TPRN: variants seen among roughly 807,000 people sequenced by gnomAD.
TPRN encodes taperin, also known as chromosome 9 open reading frame 75.
In TPRN, 32 loss-of-function variants were observed where a neutral mutation model predicts 42.6. The ratio of observed to expected loss-of-function variants is 0.75; its 90% CI spans 0.57 to 1.01. The LOEUF (loss-of-function observed/expected upper bound fraction) is 1.01. Among genes scored for constraint, TPRN ranks in the 50% least tolerant of loss-of-function variants. TPRN has a pLI of 0.00. For synonymous variants in TPRN, 541 were observed against 445.6 expected, an observed-to-expected ratio of 1.21 and a Z score of -2.70; for missense variants, 1,095 against 957.5, an observed-to-expected ratio of 1.14 and a Z score of -1.90.
In TPRN at chr9:137,191,628, G is replaced by A; in HGVS notation, c.*484C>T. ...GTGGGGACACCAGCAGCCTTGTCCA[G>A]TGCTGTTTATTGAGTCCATCATCAG... On this transcript the variant is annotated 3_prime_UTR_variant, in exon 4 of 4. Transcript: ENST00000409012. 1 of 296,010 alleles carries A rather than the reference G, an allele frequency of 3.4e-6. No individual in the cohort carries two copies. Among genetic ancestry groups the A allele is most frequent in the Non-Finnish European group, 6.7e-6 (1 of 148,300 alleles). 18.3% of individuals were successfully genotyped at this position (296,010 alleles called of 1,614,324 possible).
chr9:137,198,890 G>A (rs1180707148), intron 1 of TPRN, 97 bp downstream of exon 1: 2 of 1,594,816 alleles, frequency 1.3e-6, no homozygotes, highest in Non-Finnish European at 1.7e-6. Context: ...CCTTTGCCCA[G>A]GCCAAGCGTC....
In TPRN at chr9:137,200,733, G is replaced by C. The variant is rs1288024851; in HGVS notation, c.-22C>G. ...CCATGCTGCGAACGCGGCAGCGGAC[G>C]GCTGGACTGAGGGCCGGAGTGGCAG... On this transcript the variant is annotated 5_prime_UTR_variant, in exon 1 of 4. Coordinates refer to ENST00000409012, the MANE Select transcript of TPRN (RefSeq NM_001128228.3). The surrounding 1 kb of genome is among the most constrained non-coding windows in gnomAD (Gnocchi z 4.3). 3.6e-6 allele frequency: 4 copies of C among 1,110,076 alleles called. No homozygotes were observed. Among genetic ancestry groups the C allele is most frequent in the South Asian group, 3.9e-5 (1 of 25,674 alleles). 68.8% of individuals were successfully genotyped at this position (1,110,076 alleles called of 1,614,324 possible). A position where few individuals can be genotyped will look rare whatever the true frequency, so the allele number is the denominator to read the frequency against.
chr9:137,198,200 G>A (rs1463684449), intron 1 of TPRN, among the ~76,000 whole-genome samples: 1 of 152,224 alleles, frequency 6.6e-6, no homozygotes, highest in Non-Finnish European at 1.5e-5. Context: ...GGTCACCGCA[G>A]ACCGGGAAGT....
In TPRN at chr9:137,199,129, T is replaced by C; in HGVS notation, c.1583A>G (p.Glu528Gly). ...SQANREPRPR[E>G]AEEEEASCLL... Reference sequence around the variant, plus strand: ...GCAACTAGCCTCCTCCTCCTCGGCCTCCCGTGGCCGAGGCTCCCTGTTGGC... The same window carrying C: ...GCAACTAGCCTCCTCCTCCTCGGCCCCCCGTGGCCGAGGCTCCCTGTTGGC... Residue 528 changes from glutamate to glycine, a missense_variant, in exon 1 of 4, where the codon GAG becomes GGG. By Grantham distance (98) the Glu-to-Gly change is moderately conservative. Coordinates refer to ENST00000409012, the MANE Select transcript of TPRN (RefSeq NM_001128228.3). 5 of 1,613,210 alleles carry C rather than the reference T, an allele frequency of 3.1e-6. No individual in the cohort carries two copies. Among genetic ancestry groups the C allele is most frequent in the Non-Finnish European group, 4.2e-6 (5 of 1,179,996 alleles).
Position 137,199,883 on chromosome 9 carries a change from C to T in TPRN, c.829G>A (p.Ala277Thr). The T allele has an allele frequency of 1.4e-6, 2 of 1,409,250 alleles. No homozygotes were observed. The highest frequency in any genetic ancestry group is 1.9e-6 in the Non-Finnish European group (2 of 1,059,202). The allele number at this position is 1,409,250 out of a possible 1,614,324, so 87.3% of individuals were successfully genotyped here. A position where few individuals can be genotyped will look rare whatever the true frequency, so the allele number is the denominator to read the frequency against. Reference sequence around the variant, plus strand: ...TGGCGCTGGCTAGGAGTGGCACTGGCAGGGGGTGAGGCTGGAGTGGCACTC... The same window carrying T: ...TGGCGCTGGCTAGGAGTGGCACTGGTAGGGGGTGAGGCTGGAGTGGCACTC... ...TPSATPASPP[A>T]SATPSQRQCV... The change falls in exon 1 of 4, where the codon GCC becomes ACC. Residue 277 changes from alanine to threonine, a missense_variant. Transcript: ENST00000409012.
Position 137,199,268 on chromosome 9 carries a change from G to C in TPRN, c.1444C>G (p.Leu482Val), listed in dbSNP as rs1046081185. 5 of 1,612,206 alleles carry C rather than the reference G, an allele frequency of 3.1e-6. No individual in the cohort carries two copies. Among genetic ancestry groups the C allele is most frequent in the Non-Finnish European group, 3.4e-6 (4 of 1,179,766 alleles). ...ACGCACCCGGGCCTGGCAGGGTGCA[G>C]AGGCCTGGCAGGGTGCGGGAGGTAG... ...LPYLPHPARP[L>V]HPARPGCVAE... is the part of the protein sequence containing the mutation. Residue 482 changes from leucine to valine, a missense_variant, in exon 1 of 4, where the codon CTG becomes GTG. Coordinates refer to ENST00000409012, the MANE Select transcript of TPRN (RefSeq NM_001128228.3).
At chr9:137,195,503 G>C (rs1834692177) in intron 1 of TPRN, among the ~76,000 whole-genome samples, 1 of 152,266 alleles carries the variant, frequency 6.6e-6, no homozygotes, top group African/African-American at 2.4e-5. Flanking sequence ...TAGAGGCAGG[G>C]AGGAGCCCAG....
rs1334528075 is a variant in TPRN, at chr9:137,199,217, T to C, written c.1495A>G (p.Asn499Asp). The C allele has an allele frequency of 6.2e-7, 1 of 1,613,110 alleles. No homozygotes were observed. The highest frequency in any genetic ancestry group is 8.5e-7 in the Non-Finnish European group (1 of 1,179,998). Residue 499 changes from asparagine (N) to aspartate (D), a missense_variant, in exon 1 of 4, where the codon AAC becomes GAC. By Grantham distance (23) the Asn-to-Asp change is conservative. Transcript: ENST00000409012. The stretch of plus-strand genomic sequence containing the variant: ...CTCTTGGGCACCACTGTGAAGGTGT[T>C]GCTGCCCCGGGGCTGAAGCTCTGCC... ...CVAELQPRGS[N>D]TFTVVPKRKP...
chr9:137,198,913 C>A, intron 1 of TPRN, 74 bp downstream of exon 1: 1 of 1,605,844 alleles, frequency 6.2e-7, no homozygotes, highest in South Asian at 1.1e-5. Context: ...GGGATCAGGG[C>A]AGGTGCTGCC....
chr9:137,200,683 C>A lies in TPRN; in HGVS notation c.29G>T (p.Gly10Val). 2 of 1,218,806 alleles carry A rather than the reference C, an allele frequency of 1.6e-6. No homozygotes were observed. The highest frequency in any genetic ancestry group is 2.1e-6 in the Non-Finnish European group (2 of 969,066). 75.5% of individuals were successfully genotyped at this position (1,218,806 alleles called of 1,614,324 possible). A position where few individuals can be genotyped will look rare whatever the true frequency, so the allele number is the denominator to read the frequency against. Reference sequence around the variant, plus strand: ...CCAAGCGGGCACCGCAGCGCGCGGCCCCGAGCCCGGCCGCCCCAGGGCGGC... The same window carrying A: ...CCAAGCGGGCACCGCAGCGCGCGGCACCGAGCCCGGCCGCCCCAGGGCGGC... MAALGRPGS[G>V]PRAAVPAWKR... The change falls in exon 1 of 4, where the codon GGG becomes GTG. Residue 10 changes from glycine (G) to valine (V), a missense_variant. Coordinates refer to ENST00000409012, the MANE Select transcript of TPRN (RefSeq NM_001128228.3). This position sits in a 1 kb window ranked among gnomAD's most constrained non-coding sequence, Gnocchi z 4.3.
chr9:137,192,379 T>C lies in TPRN; in HGVS notation c.1967-14A>G, dbSNP rs781485972. On this transcript the variant is annotated splice_polypyrimidine_tract_variant and intron_variant, in intron 2 of 3. Transcript: ENST00000409012. Reference sequence around the variant, plus strand: ...AGCTGGACAGGCCTGTGAATGGAGGTGCACATGCAGACGTGGACACAGACC... The same window carrying C: ...AGCTGGACAGGCCTGTGAATGGAGGCGCACATGCAGACGTGGACACAGACC... 1 of 1,612,700 alleles carries C rather than the reference T, an allele frequency of 6.2e-7. No homozygotes were observed. Among genetic ancestry groups the C allele is most frequent in the South Asian group, 1.1e-5 (1 of 91,054 alleles).
chr9:137,199,199 G>A lies in TPRN; in HGVS notation c.1513C>T (p.Pro505Ser), dbSNP rs532297600. The A allele has an allele frequency of 9.7e-5, 157 of 1,613,158 alleles. No homozygotes were observed. The East Asian group carries it at 2.5e-3, about 25-fold the overall frequency. Reference sequence around the variant, plus strand: ...TGCAGAGTCCCTGGCTTCCTCTTGGGCACCACTGTGAAGGTGTTGCTGCCC... The same window carrying A: ...TGCAGAGTCCCTGGCTTCCTCTTGGACACCACTGTGAAGGTGTTGCTGCCC... ...PRGSNTFTVV[P>S]KRKPGTLQDQ... The change falls in exon 1 of 4, where the codon CCC becomes TCC. Residue 505 changes from proline (P) to serine (S), a missense_variant. Coordinates refer to ENST00000409012, the MANE Select transcript of TPRN (RefSeq NM_001128228.3).
intron 1 of TPRN, among the ~76,000 whole-genome samples, chr9:137,198,021 T>C (rs962812539): frequency 2.6e-5 from 4 of 152,134 alleles, no homozygotes; most frequent in Non-Finnish European, 5.9e-5. Flanking sequence ...TGAGGGAGCC[T>C]GCAAGGTCCC....
intron 1 of TPRN, chr9:137,194,770 C>T (rs1834682078): frequency 6.6e-6 from 1 of 152,270 alleles, no homozygotes; most frequent in African/African-American, 2.4e-5. Context: ...TCGCACAGCC[C>T]TCCCCTCCCA....
At position 137,199,849 on chromosome 9, in the gene TPRN, G is replaced by C. The variant is rs749999995; in HGVS notation, c.863C>G (p.Ser288Cys). ...GGAGTCGTTGGTGCTGGTGGCTGCG[G>C]AGACGCACTGGCGCTGGCTAGGAGT... Reference protein sequence around the residue: ...SATPSQRQCVSAATSTNDSFE... With the variant: ...SATPSQRQCVCAATSTNDSFE... Residue 288 changes from serine (S) to cysteine (C), a missense_variant, in exon 1 of 4, where the codon TCC (serine) becomes TGC (cysteine). Ser to Cys is a moderately radical substitution (Grantham distance 112). Coordinates refer to ENST00000409012, the MANE Select transcript of TPRN (RefSeq NM_001128228.3). 1.5e-5 allele frequency: 23 copies of C among 1,561,146 alleles called. 1 individual carries two copies. The highest frequency in any genetic ancestry group is 2.0e-5 in the Non-Finnish European group (23 of 1,152,650).
chr9:137,197,162 G>A (rs561458953), intron 1 of TPRN, among the ~76,000 whole-genome samples: 245 of 152,266 alleles, frequency 1.6e-3, no homozygotes, highest in African/African-American at 5.6e-3. Context: ...GCAATGGCGC[G>A]ATCTCGGCTC....
At position 137,200,403 on chromosome 9, in the gene TPRN, C is replaced by A. The variant is rs1242024972; in HGVS notation, c.309G>T (p.Val103=). The stretch of plus-strand genomic sequence containing the variant: ...CGGGCGGCGCGGGCGGGAAGCCGGG[C>A]ACCGTCTCGATGATGAGGACGCTGT... ...RADSVLIIET[V]PGFPPAPPAP... is the part of the protein sequence containing the mutation. The change falls in exon 1 of 4, where the codon GTG becomes GTT. Residue 103 remains valine, a synonymous_variant. Coordinates refer to ENST00000409012, the MANE Select transcript of TPRN (RefSeq NM_001128228.3). The surrounding 1 kb of genome is among the most constrained non-coding windows in gnomAD (Gnocchi z 4.3). The A allele has an allele frequency of 2.7e-6, 3 of 1,117,366 alleles. No individual in the cohort carries two copies. The highest frequency in any genetic ancestry group is 4.5e-5 in the Admixed American group (1 of 22,276). The allele number at this position is 1,117,366 out of a possible 1,614,324, so 69.2% of individuals were successfully genotyped here.
Position 137,199,373 on chromosome 9 carries a change from C to T in TPRN, c.1339G>A (p.Glu447Lys). 2 of 1,612,840 alleles carry T rather than the reference C, an allele frequency of 1.2e-6. No individual in the cohort carries two copies. Among genetic ancestry groups the T allele is most frequent in the Non-Finnish European group, 1.7e-6 (2 of 1,180,014 alleles). Residue 447 changes from glutamate (E) to lysine (K), a missense_variant, in exon 1 of 4, where the codon GAA becomes AAA. Physicochemically the swap from Glu to Lys is moderately conservative, Grantham distance 56. Coordinates refer to ENST00000409012, the MANE Select transcript of TPRN (RefSeq NM_001128228.3). ...RVPGLAKNSR[E>K]YVRPGLPVTF... ...ACAGGCAGCCCCGGCCTCACATATT[C>T]CCGGCTATTCTTGGCCAAGCCAGGA... is the stretch of plus-strand genomic sequence containing the variant.
chr9:137,199,994 C>A lies in TPRN; in HGVS notation c.718G>T (p.Gly240Cys). Residue 240 changes from glycine to cysteine, a missense_variant, in exon 1 of 4, where the codon GGC (glycine) becomes TGC (cysteine). Physicochemically the swap from Gly to Cys is radical, Grantham distance 159. Coordinates refer to ENST00000409012, the MANE Select transcript of TPRN (RefSeq NM_001128228.3). Reference sequence around the variant, plus strand: ...CACTGTCCCGACCCAGGCGGGGAGCCCGCGAGGCGGTTGGCAGGGCCGGCC... The same window carrying A: ...CACTGTCCCGACCCAGGCGGGGAGCACGCGAGGCGGTTGGCAGGGCCGGCC... ...PRAGPANRLAGSPPGSGQWKP... is the reference protein window; with the variant it reads ...PRAGPANRLACSPPGSGQWKP... The A allele has an allele frequency of 6.9e-7, 1 of 1,444,760 alleles. No individual in the cohort carries two copies. The allele number at this position is 1,444,760 out of a possible 1,614,324, so 89.5% of individuals were successfully genotyped here. A position where few individuals can be genotyped will look rare whatever the true frequency, so the allele number is the denominator to read the frequency against.
Sources: gnomAD v4.1 joint callset for allele counts (sites outside exome capture counted in the v4.1 genomes callset) on GRCh38, gnomAD v4.1.1 for gene constraint, Gnocchi (gnomAD v3.1) non-coding constraint, MANE v1.5 for transcripts, NCBI Gene and HGNC (gene_info 2026-07-23, HGNC 2026-07-21) for gene names.